Variants in SOX6 observed in about 807,000 individuals in gnomAD.
The protein encoded by SOX6 is transcription factor SOX-6.
In SOX6, 11 loss-of-function variants were observed where a neutral mutation model predicts 97.8. The observed-to-expected ratio is 0.11, with a 90% CI of 0.07 to 0.19. The LOEUF is 0.19. Among genes scored for constraint, SOX6 ranks in the 10% least tolerant of loss-of-function variants. The pLI, the probability that SOX6 is intolerant of heterozygous loss-of-function variation, is 1.00. For synonymous variants in SOX6, 360 were observed against 371.4 expected, an observed-to-expected ratio of 0.97 and a Z score of 0.35; for missense variants, 810 against 1,039.5, an observed-to-expected ratio of 0.78 and a Z score of 3.04.
intron 4 of SOX6, among the ~76,000 whole-genome samples, chr11:16,529,593 A>G (rs559231282): frequency 7.1e-4 from 108 of 152,178 alleles, no homozygotes; most frequent in Non-Finnish European, 1.0e-3. Context: ...AACCACTCAC[A>G]ATCTTCCAGT....
chr11:16,013,594 C>T (rs1470529824), intron 13 of SOX6, among the ~76,000 whole-genome samples: 1 of 151,974 alleles, frequency 6.6e-6, no homozygotes, highest in African/African-American at 2.4e-5. Flanking sequence ...TATCTATCCT[C>T]CCTCTTCTTC....
intron 12 of SOX6, among the ~76,000 whole-genome samples, chr11:16,042,290 C>T (rs1331679460): frequency 6.6e-6 from 1 of 152,150 alleles, no homozygotes; most frequent in African/African-American, 2.4e-5. Flanking sequence ...GTTTCTTTGT[C>T]TATACCAGCA....
chr11:16,208,287 A>G (rs1048594631), intron 4 of SOX6, among the ~76,000 whole-genome samples: 2 of 152,222 alleles, frequency 1.3e-5, no homozygotes, highest in African/African-American at 4.8e-5. Flanking sequence ...AGCATTTTGG[A>G]CACTATCAGG....
At chr11:16,366,315 C>T (rs1162794195) in intron 1 of SOX6, among the ~76,000 whole-genome samples, 1 of 152,104 alleles carries the variant, frequency 6.6e-6, no homozygotes, top group Non-Finnish European at 1.5e-5. Context: ...TGCATCCTGA[C>T]ATCCTGAAAA....
chr11:16,223,231 A>T (rs1014014381), intron 4 of SOX6, among the ~76,000 whole-genome samples: 33 of 152,222 alleles, frequency 2.2e-4, no homozygotes, highest in African/African-American at 7.9e-4. Flanking sequence ...AAGTCTCTAA[A>T]TCAGTGACCC....
intron 9 of SOX6, among the ~76,000 whole-genome samples, chr11:16,093,917 C>A (rs1290617494): frequency 6.6e-6 from 1 of 151,882 alleles, no homozygotes; most frequent in Non-Finnish European, 1.5e-5. Context: ...AATAAACATG[C>A]TATACTCATA....
intron 3 of SOX6, among the ~76,000 whole-genome samples, chr11:16,268,750 T>A (rs1052460021): frequency 6.6e-5 from 10 of 151,210 alleles, no homozygotes; most frequent in Non-Finnish European, 1.5e-4. Flanking sequence ...CATGTCCTTT[T>A]CTCTTTGTTT....
At chr11:16,217,437 T>C (rs1379126908) in intron 4 of SOX6, among the ~76,000 whole-genome samples, 1 of 152,190 alleles carries the variant, frequency 6.6e-6, no homozygotes, top group Non-Finnish European at 1.5e-5. Context: ...AAAACCTACC[T>C]ATTTATAATA....
At chr11:16,007,579 C>A (rs1368711349) in intron 13 of SOX6, among the ~76,000 whole-genome samples, 1 of 152,062 alleles carries the variant, frequency 6.6e-6, no homozygotes, top group African/African-American at 2.4e-5. Context: ...GTCTCAATTC[C>A]AATCCTGACC....
At chr11:16,705,248 ACT>A (rs2134043818) in intron 3 of SOX6, among the ~76,000 whole-genome samples, 1 of 151,344 alleles carries the variant, frequency 6.6e-6, no homozygotes, top group East Asian at 1.9e-4. Context: ...ACAGAGCAAG[ACT>A]CTGTCTCAAA....
chr11:15,972,983 G>A lies in SOX6; in HGVS notation c.2313C>T (p.Pro771=), dbSNP rs1853362741. The A allele has an allele frequency of 6.2e-7, 1 of 1,614,094 alleles. No homozygotes were observed. The highest frequency in any genetic ancestry group is 8.5e-7 in the Non-Finnish European group (1 of 1,180,038). The change falls in exon 16 of 16, where the codon CCC becomes CCT. Residue 771 remains proline, a synonymous_variant. Coordinates refer to ENST00000683767, the MANE Select transcript of SOX6 (RefSeq NM_001367873.1). ...AAGTGCTCTGGATGACCGGGAGGCT[G>A]GGCTCCGGGCTGGCCGAGGTGCTAG... ...DCSSTSASPE[P]SLPVIQSTYG...
chr11:16,644,051 C>T (rs1848969418), intron 3 of SOX6, among the ~76,000 whole-genome samples: 1 of 152,084 alleles, frequency 6.6e-6, no homozygotes, highest in Non-Finnish European at 1.5e-5. Context: ...CATCTTGGAA[C>T]CACCACTGAC....
chr11:16,575,880 T>G (rs1012098762), intron 4 of SOX6, among the ~76,000 whole-genome samples: 1 of 152,208 alleles, frequency 6.6e-6, no homozygotes, highest in African/African-American at 2.4e-5. Context: ...AGGATTCACA[T>G]AACTATTAGT....
At chr11:16,159,131 A>G (rs1398042229) in intron 6 of SOX6, among the ~76,000 whole-genome samples, 2 of 152,086 alleles carry the variant, frequency 1.3e-5, no homozygotes, top group African/African-American at 2.4e-5. Flanking sequence ...AGAGAATACT[A>G]TCATCAAACT....
chr11:16,303,117 A>G (rs2938282), intron 3 of SOX6, among the ~76,000 whole-genome samples: 132,013 of 152,194 alleles, frequency 0.87, 57,707 homozygotes, highest in Non-Finnish European at 0.92. Context: ...GTGTATTTAA[A>G]TATGTATACA....
chr11:16,507,116 C>A (rs964096876), intron 4 of SOX6, among the ~76,000 whole-genome samples: 3 of 151,934 alleles, frequency 2.0e-5, no homozygotes, highest in Non-Finnish European at 4.4e-5. Context: ...AGCACCTCTC[C>A]CTTCTTACTC....
intron 1 of SOX6, among the ~76,000 whole-genome samples, chr11:16,453,997 T>A (rs1859766922): frequency 6.6e-6 from 1 of 152,162 alleles, no homozygotes; most frequent in Non-Finnish European, 1.5e-5. Flanking sequence ...TCTGTGGAAC[T>A]TTATAAACAT....
chr11:15,977,686 A>T (rs142620240), intron 15 of SOX6, among the ~76,000 whole-genome samples: 1 of 152,104 alleles, frequency 6.6e-6, no homozygotes, highest in African/African-American at 2.4e-5. Context: ...GAGAAAATAC[A>T]CTGCCATACT....
intron 9 of SOX6, among the ~76,000 whole-genome samples, chr11:16,091,571 T>C (rs907096420): frequency 2.0e-5 from 3 of 152,094 alleles, no homozygotes; most frequent in Non-Finnish European, 2.9e-5. Context: ...TTTCCATTTG[T>C]AGCACAAAAA....
Sources: allele counts gnomAD v4.1 joint callset (sites outside exome capture counted in the v4.1 genomes callset), GRCh38; gene constraint gnomAD v4.1.1; transcripts MANE v1.5; gene names NCBI Gene and HGNC (gene_info 2026-07-23, HGNC 2026-07-21).